Variants in UBAP2 observed in about 807,000 individuals in gnomAD.
UBAP2 encodes ubiquitin associated protein 2.
A neutral mutation model predicts 139.6 loss-of-function variants in UBAP2; 75 were observed. That is an observed-to-expected ratio of 0.54 (90% CI 0.45 to 0.65). The LOEUF (loss-of-function observed/expected upper bound fraction) is 0.65, where lower values mean the gene tolerates loss of function less well. Among genes scored for constraint, UBAP2 ranks in the 30% least tolerant of loss-of-function variants. UBAP2 has a pLI of 0.00. For missense variants in UBAP2, 1,368 were observed against 1,369.6 expected, an observed-to-expected ratio of 1.00 and a Z score of 0.02; for synonymous variants, 526 against 526.2, an observed-to-expected ratio of 1.00 and a Z score of 0.01.
At position 33,922,413 on chromosome 9, in the gene UBAP2, T is replaced by C; in HGVS notation, c.*91A>G. 7 of 1,313,382 alleles carry C rather than the reference T, an allele frequency of 5.3e-6. No individual in the cohort carries two copies. The Middle Eastern group carries it at 7.2e-4, about 136-fold the overall frequency. 81.4% of individuals were successfully genotyped at this position (1,313,382 alleles called of 1,614,324 possible). A position where few individuals can be genotyped will look rare whatever the true frequency, so the allele number is the denominator to read the frequency against. On this transcript the variant is annotated 3_prime_UTR_variant, in exon 29 of 29. Transcript: ENST00000379238. ...CATGGCTGACACATGTCGGGAATTC[T>C]AGGAAAGGGCACTGGGCTCCCAAAT...
rs564857271 is a variant in UBAP2 at position 34,032,006 on chromosome 9, A to C, written c.-41-14817T>G. 2.6e-5 allele frequency among the ~76,000 whole-genome samples: 4 copies of C among 152,026 alleles called. No individual in the cohort carries two copies. In the East Asian group the frequency reaches 7.8e-4, roughly 29 times the overall value. On this transcript the variant is annotated intron_variant, in intron 1 of 28. Transcript: ENST00000379238. ...AAATACATTTAAAAATTAGCCAGGT[A>C]TGGTGGCGCATGCCTGTGGTCCCAC...
At chr9:33,968,090 G>A (rs112854303) in intron 8 of UBAP2, 49 of 465,750 alleles carry the variant, frequency 1.1e-4, no homozygotes, top group South Asian at 3.6e-4. Flanking sequence ...CAGATTGCCC[G>A]GCAGTTACAT....
chr9:34,017,483 C>T (rs772253764), intron 1 of UBAP2, among the ~76,000 whole-genome samples: 1 of 152,186 alleles, frequency 6.6e-6, no homozygotes, highest in Non-Finnish European at 1.5e-5. Flanking sequence ...GAAGTGCTAT[C>T]TGCCTCTTAC....
chr9:33,940,495 A>G (rs1196445461), intron 16 of UBAP2, among the ~76,000 whole-genome samples: 1 of 152,246 alleles, frequency 6.6e-6, no homozygotes, highest in Non-Finnish European at 1.5e-5. Context: ...AGGAACAAAG[A>G]GCCCAGTGTA....
rs999782949 is a variant in UBAP2 at position 34,048,885 on chromosome 9, T to C, written c.-102A>G. 2.0e-5 allele frequency: 3 copies of C among 152,144 alleles called. No individual in the cohort carries two copies. The highest frequency in any genetic ancestry group is 4.4e-5 in the Non-Finnish European group (3 of 68,120). The allele number at this position is 152,144 out of a possible 1,614,324, so 9.4% of individuals were successfully genotyped here. On this transcript the variant is annotated 5_prime_UTR_variant, in exon 1 of 29. Coordinates refer to ENST00000379238, the MANE Select transcript of UBAP2 (RefSeq NM_001370062.2). ...GCCGCCGCCGCTCGTTACCTGCCAA[T>C]GTGCCTCTTACAAAGCGGCGGCGGC...
Position 33,922,262 on chromosome 9 carries a change from G to A in UBAP2, c.*242C>T, listed in dbSNP as rs976479541. On this transcript the variant is annotated 3_prime_UTR_variant, in exon 29 of 29. Transcript: ENST00000379238. ...AGTGGAGAAGGGGCTTGAATGGGGAGGGCAGACCTGGCTAACATCTGCCGC... is the reference window on the plus strand; with the variant it reads ...AGTGGAGAAGGGGCTTGAATGGGGAAGGCAGACCTGGCTAACATCTGCCGC... The A allele has an allele frequency of 3.4e-5, 18 of 522,094 alleles. No homozygotes were observed. Among genetic ancestry groups the A allele is most frequent in the Non-Finnish European group, 5.9e-5 (17 of 289,476 alleles). 32.3% of individuals were successfully genotyped at this position (522,094 alleles called of 1,614,324 possible).
At chr9:33,926,750 G>T in intron 21 of UBAP2, 86 bp from the exon 22 acceptor site, 1 of 1,432,894 alleles carries the variant, frequency 7.0e-7, no homozygotes, top group Non-Finnish European at 9.8e-7. Flanking sequence ...AAACAAGGTT[G>T]GGGGGCTCTA....
At chr9:33,990,140 GTAGT>G (rs1212502954) in intron 4 of UBAP2, among the ~76,000 whole-genome samples, 1 of 152,028 alleles carries the variant, frequency 6.6e-6, no homozygotes, top group East Asian at 1.9e-4. Context: ...ATCAAGCAGG[GTAGT>G]TACAGAGAAA....
Position 33,922,832 on chromosome 9 carries a change from C to A in UBAP2, c.3119G>T (p.Ser1040Ile). Residue 1040 changes from serine (S) to isoleucine (I), a missense_variant, in exon 28 of 29, where the codon AGC becomes ATC. Transcript: ENST00000379238. ...GFHAGTPPPF[S>I]LPSVLGSTGP... ...AGTGGAGCCCAAGACCGAGGGCAGG[C>A]TGAAAGGTGGAGGCGTCCCTGCATG... 6.3e-7 allele frequency: 1 copy of A among 1,576,704 alleles called. No individual in the cohort carries two copies. The highest frequency in any genetic ancestry group is 8.6e-7 in the Non-Finnish European group (1 of 1,159,934).
chr9:33,974,274 G>A (rs117265931), intron 6 of UBAP2, among the ~76,000 whole-genome samples: 66 of 150,462 alleles, frequency 4.4e-4, no homozygotes, highest in Middle Eastern at 3.6e-3. Context: ...TTGGAACACC[G>A]AGGCAGTTGG....
At chr9:33,934,161 A>C (rs1011902054) in intron 17 of UBAP2, 1 of 158,678 alleles carries the variant, frequency 6.3e-6, no homozygotes, top group Non-Finnish European at 1.4e-5. Flanking sequence ...TAACATCTGC[A>C]GTCCAACTGT....
intron 1 of UBAP2, among the ~76,000 whole-genome samples, chr9:34,030,087 G>T (rs974116345): frequency 2.0e-5 from 3 of 151,828 alleles, no homozygotes; most frequent in African/African-American, 7.3e-5. Flanking sequence ...AGCAGTGTGG[G>T]GCCAGGAGTT....
Position 33,944,593 on chromosome 9 carries a change from G to T in UBAP2, c.1317C>A (p.Ser439Arg). 3.1e-6 allele frequency: 5 copies of T among 1,614,080 alleles called. No individual in the cohort carries two copies. The highest frequency in any genetic ancestry group is 1.7e-5 in the Admixed American group (1 of 59,998). Residue 439 changes from serine (S) to arginine (R), a missense_variant, in exon 14 of 29, where the codon AGC (serine) becomes AGA (arginine). Transcript: ENST00000379238. ...PEPSPVLSQL[S>R]QRQQHQSQAV... is the part of the protein sequence containing the mutation. ...CCTGGCTCTGGTGCTGTTGTCGCTG[G>T]CTCAACTGGCTAAGAACTGGGGATG...
intron 16 of UBAP2, among the ~76,000 whole-genome samples, chr9:33,937,788 G>C (rs1554681152): frequency 6.6e-6 from 1 of 151,302 alleles, no homozygotes; most frequent in South Asian, 2.1e-4. Context: ...CAGGTGTGGT[G>C]GTGGGCGGCT....
At chr9:33,952,212 T>C (rs1213633746) in intron 12 of UBAP2, among the ~76,000 whole-genome samples, 2 of 152,234 alleles carry the variant, frequency 1.3e-5, no homozygotes, top group Non-Finnish European at 2.9e-5. Flanking sequence ...TAGTTCTGCA[T>C]CCATAGACCT....
At chr9:33,999,896 ATG>A (rs1285817851) in intron 2 of UBAP2, among the ~76,000 whole-genome samples, 79 of 73,746 alleles carry the variant, frequency 1.1e-3, no homozygotes, top group African/African-American at 2.8e-3. Context: ...GTATGTATGT[ATG>A]TATGTATGTT....
chr9:33,975,174 G>C (rs188414268), intron 6 of UBAP2, among the ~76,000 whole-genome samples: 21 of 152,276 alleles, frequency 1.4e-4, no homozygotes, highest in Non-Finnish European at 2.6e-4. Context: ...GCTCACGCCT[G>C]TAATCCCAGC....
chr9:33,995,543 ATATATTATTAAATAATT>A lies in UBAP2; in HGVS notation c.288+663_288+679del, dbSNP rs1157658849. Reference sequence around the variant, plus strand: ...TATATAAATATATTTATATTATTAAATATATTATTAAATAATTTAATTTAATTTAAAATTAAATTATT... The same window carrying A: ...TATATAAATATATTTATATTATTAAATAATTTAATTTAAAATTAAATTATT... On this transcript the variant is annotated intron_variant, in intron 4 of 28. Transcript: ENST00000379238. 4.0e-5 allele frequency: 5 copies of A among 123,652 alleles called. No homozygotes were observed. In the South Asian group the frequency reaches 6.9e-4, roughly 17 times the overall value. The allele number at this position is 123,652 out of a possible 1,614,324, so 7.7% of individuals were successfully genotyped here.
intron 10 of UBAP2, among the ~76,000 whole-genome samples, chr9:33,958,488 G>C (rs1255376625): frequency 6.6e-6 from 1 of 150,854 alleles, no homozygotes; most frequent in Non-Finnish European, 1.5e-5. Context: ...TTGTCTCACT[G>C]CAAGTGCCTC....
Sources: gnomAD v4.1 joint callset for allele counts (sites outside exome capture counted in the v4.1 genomes callset) on GRCh38, gnomAD v4.1.1 for gene constraint, MANE v1.5 for transcripts, NCBI Gene and HGNC (gene_info 2026-07-23, HGNC 2026-07-21) for gene names.